The following GALNT1 variants were observed in gnomAD, a reference collection of about 807,000 sequenced individuals.
The protein encoded by GALNT1 is polypeptide N-acetylgalactosaminyltransferase 1.
In GALNT1, 17 loss-of-function variants were observed where a neutral mutation model predicts 65.7. The ratio of observed to expected loss-of-function variants is 0.26; its 90% CI spans 0.18 to 0.39. The LOEUF (loss-of-function observed/expected upper bound fraction) is 0.39. Ranked by LOEUF, GALNT1 falls within the 10% of genes least tolerant of loss-of-function variation. GALNT1 has a pLI of 1.00. For synonymous variants in GALNT1, 210 were observed against 219.7 expected (o/e 0.96, Z 0.39); for missense variants, 460 against 672.8 (o/e 0.68, Z 3.50).
chr18:35,614,117 G>A (rs554683518), intron 1 of GALNT1, among the ~76,000 whole-genome samples: 1 of 152,314 alleles, frequency 6.6e-6, no homozygotes, highest in African/African-American at 2.4e-5. Context: ...TGCAGATATT[G>A]TAGTTGTCAG....
intron 1 of GALNT1, among the ~76,000 whole-genome samples, chr18:35,636,861 A>G (rs530918276): frequency 1.4e-5 from 2 of 139,058 alleles, no homozygotes; most frequent in East Asian, 2.1e-4. Flanking sequence ...CATAGGCACC[A>G]TTTTTCCAAC....
chr18:35,609,992 T>A (rs2144033918), intron 1 of GALNT1, among the ~76,000 whole-genome samples: 1 of 152,344 alleles, frequency 6.6e-6, no homozygotes, highest in South Asian at 2.1e-4. Flanking sequence ...TTCAATTTTT[T>A]AATTTTTATT....
chr18:35,646,316 C>A (rs4297775), intron 1 of GALNT1, among the ~76,000 whole-genome samples: 15,463 of 152,144 alleles, frequency 0.1, 1,006 homozygotes, highest in African/African-American at 0.19. Flanking sequence ...TGGGGATTAC[C>A]ATTCAACATG....
intron 11 of GALNT1, among the ~76,000 whole-genome samples, chr18:35,705,925 AT>A (rs950013316): frequency 6.6e-6 from 1 of 152,132 alleles, no homozygotes; most frequent in African/African-American, 2.4e-5. Context: ...GGAAAGAGGA[AT>A]GGTACACTAC....
At chr18:35,595,527 T>C (rs563937537) in intron 1 of GALNT1, among the ~76,000 whole-genome samples, 2 of 152,222 alleles carry the variant, frequency 1.3e-5, no homozygotes, top group African/African-American at 4.8e-5. Flanking sequence ...CATAAACCTA[T>C]GGCAACAAGC....
intron 7 of GALNT1, among the ~76,000 whole-genome samples, 155 bp downstream of exon 7, chr18:35,689,445 A>C (rs920311273): frequency 6.6e-6 from 1 of 152,202 alleles, no homozygotes. Flanking sequence ...ACTGATAGTA[A>C]GGGTTCATTA....
intron 1 of GALNT1, among the ~76,000 whole-genome samples, chr18:35,622,835 T>G (rs1253110595): frequency 6.6e-6 from 1 of 152,166 alleles, no homozygotes; most frequent in African/African-American, 2.4e-5. Flanking sequence ...GTGAGTTGTT[T>G]TTTTAACTGT....
At chr18:35,675,629 A>G (rs1483276576) in intron 3 of GALNT1, among the ~76,000 whole-genome samples, 4 of 152,204 alleles carry the variant, frequency 2.6e-5, no homozygotes, top group Non-Finnish European at 5.9e-5. Context: ...TTTCCTAGCC[A>G]TAGACATGGC....
At chr18:35,624,074 G>T (rs937535599) in intron 1 of GALNT1, among the ~76,000 whole-genome samples, 1 of 152,066 alleles carries the variant, frequency 6.6e-6, no homozygotes, top group African/African-American at 2.4e-5. Context: ...CCCTGGCATT[G>T]GGCAACATCA....
chr18:35,640,177 T>C (rs947757987), intron 1 of GALNT1, among the ~76,000 whole-genome samples: 4 of 152,236 alleles, frequency 2.6e-5, no homozygotes, highest in African/African-American at 9.7e-5. Context: ...CTACATTCTT[T>C]TTTTGCCTTA....
In GALNT1 at chr18:35,654,560, G is replaced by A. The variant is rs2047353990; in HGVS notation, c.-103G>A. 2.0e-6 allele frequency: 1 copy of A among 495,056 alleles called. No individual in the cohort carries two copies. The allele number at this position is 495,056 out of a possible 1,614,324, so 30.7% of individuals were successfully genotyped here. A position where few individuals can be genotyped will look rare whatever the true frequency, so the allele number is the denominator to read the frequency against. On this transcript the variant is annotated splice_region_variant and 5_prime_UTR_variant, in exon 2 of 12. Transcript: ENST00000269195. ...TCTTTTTTCCTTTCTTTCTCTATAG[G>A]GTATGAACGTGATTTCTGATGAAAC...
intron 5 of GALNT1, among the ~76,000 whole-genome samples, chr18:35,686,367 C>T (rs962541955): frequency 4.6e-5 from 7 of 151,978 alleles, no homozygotes; most frequent in South Asian, 2.1e-4. Context: ...AGCATTGATA[C>T]GGAACTGTAA....
At chr18:35,651,717 T>C (rs2047313664) in intron 1 of GALNT1, among the ~76,000 whole-genome samples, 1 of 152,194 alleles carries the variant, frequency 6.6e-6, no homozygotes, top group Admixed American at 6.5e-5. Context: ...AAGTGGAGAA[T>C]AAGGAATAAC....
At chr18:35,663,567 G>A in intron 2 of GALNT1, 61 bp from the exon 3 acceptor site, 1 of 1,497,250 alleles carries the variant, frequency 6.7e-7, no homozygotes, top group Non-Finnish European at 9.1e-7. Context: ...TTATTAAATA[G>A]AATCATGAAT....
At chr18:35,598,286 C>T (rs957773019) in intron 1 of GALNT1, among the ~76,000 whole-genome samples, 2 of 151,874 alleles carry the variant, frequency 1.3e-5, no homozygotes. Flanking sequence ...CTTCCTGCCT[C>T]GGCCTTCCAA....
At chr18:35,628,938 G>T (rs891297805) in intron 1 of GALNT1, among the ~76,000 whole-genome samples, 2 of 152,234 alleles carry the variant, frequency 1.3e-5, no homozygotes, top group Non-Finnish European at 2.9e-5. Flanking sequence ...TTCAGTAGCT[G>T]ATTCGATCAA....
intron 1 of GALNT1, among the ~76,000 whole-genome samples, chr18:35,634,027 A>G (rs2047057007): frequency 6.6e-6 from 1 of 152,170 alleles, no homozygotes; most frequent in South Asian, 2.1e-4. Flanking sequence ...CAGTGTTCCA[A>G]ATGACCATTT....
intron 1 of GALNT1, among the ~76,000 whole-genome samples, chr18:35,646,072 C>T (rs2047227076): frequency 6.6e-6 from 1 of 152,116 alleles, no homozygotes; most frequent in Admixed American, 6.5e-5. Flanking sequence ...GTTCCACGGG[C>T]TTACCAGGAA....
chr18:35,702,671 A>G (rs543183144), intron 9 of GALNT1: 2 of 330,098 alleles, frequency 6.1e-6, no homozygotes, highest in Non-Finnish European at 1.1e-5. Flanking sequence ...AAATGAAAAA[A>G]GAAATTGTAA....
Sources: allele counts gnomAD v4.1 joint callset (sites outside exome capture counted in the v4.1 genomes callset), GRCh38; gene constraint gnomAD v4.1.1; transcripts MANE v1.5; gene names NCBI Gene and HGNC (gene_info 2026-07-23, HGNC 2026-07-21).